The following CEP120 variants were observed in gnomAD, a reference collection of about 807,000 sequenced individuals.
CEP120 encodes the protein centrosomal protein of 120 kDa.
Under a neutral mutation model 126.5 loss-of-function variants are expected in CEP120, and 113 were observed. The observed-to-expected ratio is 0.89, with a 90% CI of 0.77 to 1.04. CEP120 has a LOEUF of 1.04. CEP120 is among the 50% of genes least tolerant of loss of function. The pLI is 0.00. For missense variants in CEP120, 1,230 were observed against 1,155.7 expected (o/e 1.06, Z -0.93); for synonymous variants, 400 against 394.3 (o/e 1.01, Z -0.17).
intron 18 of CEP120, among the ~76,000 whole-genome samples, chr5:123,352,847 TA>T (rs1360483398): frequency 6.6e-6 from 1 of 152,016 alleles, no homozygotes; most frequent in Non-Finnish European, 1.5e-5. Context: ...TAATAGTTTA[TA>T]GTTCTCTATA....
intron 1 of CEP120, chr5:123,422,539 G>C: frequency 6.5e-7 from 1 of 1,535,520 alleles, no homozygotes; most frequent in Non-Finnish European, 8.7e-7. Context: ...CGTGTAAAGG[G>C]AATTGCCTCC....
At chr5:123,411,726 A>G (rs1449638448) in intron 4 of CEP120, among the ~76,000 whole-genome samples, 1 of 152,198 alleles carries the variant, frequency 6.6e-6, no homozygotes, top group African/African-American at 2.4e-5. Context: ...GATGATTTTT[A>G]GGGTGGTGAA....
At chr5:123,401,508 C>G in intron 4 of CEP120, 1 of 1,278,064 alleles carries the variant, frequency 7.8e-7, no homozygotes, top group South Asian at 1.2e-5. Flanking sequence ...TACATGCTCT[C>G]AGCCTCGGCC....
intron 16 of CEP120, among the ~76,000 whole-genome samples, chr5:123,375,330 C>CT (rs112675509): frequency 0.22 from 33,603 of 149,540 alleles, 3,980 homozygotes; most frequent in Middle Eastern, 0.27. Flanking sequence ...AAGTCTTTTT[C>CT]TTTTTTTTTT....
chr5:123,380,092 T>G (rs576715515), intron 14 of CEP120, among the ~76,000 whole-genome samples: 1 of 152,256 alleles, frequency 6.6e-6, no homozygotes, highest in Admixed American at 6.5e-5. Flanking sequence ...TATACATCGT[T>G]TTTTAAGACA....
intron 16 of CEP120, among the ~76,000 whole-genome samples, chr5:123,374,397 T>C (rs901570355): frequency 2.0e-5 from 3 of 152,140 alleles, no homozygotes; most frequent in Non-Finnish European, 2.9e-5. Context: ...AATGACAAGA[T>C]AGCCTTGACT....
chr5:123,402,942 A>G (rs901783163), intron 4 of CEP120, among the ~76,000 whole-genome samples: 10 of 152,186 alleles, frequency 6.6e-5, no homozygotes, highest in Non-Finnish European at 1.0e-4. Context: ...CAGCCTTCCA[A>G]TATGTGAGGA....
Position 123,388,485 on chromosome 5 carries a change from G to A in CEP120, c.1377C>T (p.Asp459=). The A allele has an allele frequency of 1.2e-6, 2 of 1,608,082 alleles. No individual in the cohort carries two copies. Among genetic ancestry groups the A allele is most frequent in the Non-Finnish European group, 1.7e-6 (2 of 1,177,906 alleles). The change falls in exon 9 of 20, where the codon GAC becomes GAT. Residue 459 remains aspartate, a synonymous_variant. Coordinates refer to ENST00000306467, the MANE Select transcript of CEP120 (RefSeq NM_001375405.1). The part of the protein sequence containing the change: ...ATSHHFCFSI[D]LRSIHALEIG... Reference sequence around the variant, plus strand: ...TCTCCAAGGCATGTATACTCCTTAAGTCTATTGAAAAGCAAAAATGATGTG... The same window carrying A: ...TCTCCAAGGCATGTATACTCCTTAAATCTATTGAAAAGCAAAAATGATGTG...
At chr5:123,366,248 T>C (rs1043257771) in intron 17 of CEP120, among the ~76,000 whole-genome samples, 3 of 151,798 alleles carry the variant, frequency 2.0e-5, no homozygotes, top group African/African-American at 4.8e-5. Context: ...AATTTTGATA[T>C]AATTTCAAGG....
chr5:123,377,881 C>T (rs560703095), intron 15 of CEP120, among the ~76,000 whole-genome samples: 2 of 152,142 alleles, frequency 1.3e-5, no homozygotes, highest in South Asian at 2.1e-4. Context: ...CTTGCCTAAT[C>T]GCATAGAATA....
At chr5:123,393,965 T>C (rs1321886845) in intron 5 of CEP120, among the ~76,000 whole-genome samples, 1 of 152,230 alleles carries the variant, frequency 6.6e-6, no homozygotes, top group African/African-American at 2.4e-5. Context: ...AGTTTTTAGC[T>C]ATTCTGTCGA....
chr5:123,423,268 G>A lies in CEP120; in HGVS notation c.-270C>T. 2.1e-6 allele frequency: 1 copy of A among 479,416 alleles called. No individual in the cohort carries two copies. Among genetic ancestry groups the A allele is most frequent in the Non-Finnish European group, 3.7e-6 (1 of 269,482 alleles). 29.7% of individuals were successfully genotyped at this position (479,416 alleles called of 1,614,324 possible). On this transcript the variant is annotated 5_prime_UTR_variant, in exon 1 of 20. Transcript: ENST00000306467. ...CCAGTCTGCAAGCAGAGACAAGCCC[G>A]CCACCCGAGGACCTTTTGCCGCCTG...
At chr5:123,352,948 A>C (rs1355109628) in intron 18 of CEP120, among the ~76,000 whole-genome samples, 1 of 151,988 alleles carries the variant, frequency 6.6e-6, no homozygotes, top group East Asian at 1.9e-4. Flanking sequence ...GACAAATAAC[A>C]TTGATTTTTA....
At chr5:123,358,879 A>G (rs1170596800) in intron 18 of CEP120, among the ~76,000 whole-genome samples, 1 of 151,930 alleles carries the variant, frequency 6.6e-6, no homozygotes, top group African/African-American at 2.4e-5. Context: ...GCCACTACTT[A>G]CTCTCCCACT....
intron 11 of CEP120, among the ~76,000 whole-genome samples, chr5:123,383,839 A>T (rs1031688273): frequency 6.6e-6 from 1 of 152,176 alleles, no homozygotes; most frequent in Non-Finnish European, 1.5e-5. Context: ...AAATGCTAGT[A>T]ATACAAAACC....
chr5:123,379,309 T>C (rs1462189230), intron 14 of CEP120, among the ~76,000 whole-genome samples: 1 of 152,128 alleles, frequency 6.6e-6, no homozygotes, highest in Admixed American at 6.6e-5. Context: ...TCGTTTTTTA[T>C]ACATATTGCT....
In CEP120 at chr5:123,382,820, C is replaced by T. The variant is rs2127049597; in HGVS notation, c.1930G>A (p.Glu644Lys). The part of the protein sequence containing the change: ...PAPCPSEIQT[E>K]PRETLEYKAA... ...TTGTATTCTAACGTTTCACGAGGCT[C>T]TGTCTGGATCTCTGAAGGACAAGGT... Residue 644 changes from glutamate (E) to lysine (K), a missense_variant, in exon 13 of 20, where the codon GAG (glutamate) becomes AAG (lysine). Transcript: ENST00000306467. 6.2e-7 allele frequency: 1 copy of T among 1,613,512 alleles called. No homozygotes were observed. The highest frequency in any genetic ancestry group is 1.1e-5 in the South Asian group (1 of 91,060).
chr5:123,355,861 G>A (rs1282431945), intron 18 of CEP120, among the ~76,000 whole-genome samples: 8 of 149,568 alleles, frequency 5.3e-5, no homozygotes, highest in Non-Finnish European at 1.0e-4. Flanking sequence ...CCATGCCTCT[G>A]TCCTGAATGG....
intron 5 of CEP120, among the ~76,000 whole-genome samples, chr5:123,397,049 C>T (rs1772839118): frequency 6.6e-6 from 1 of 152,172 alleles, no homozygotes; most frequent in African/African-American, 2.4e-5. Context: ...TTCAGCTGGG[C>T]ATGGTGGCTC....
Sources: allele counts gnomAD v4.1 joint callset (sites outside exome capture counted in the v4.1 genomes callset), GRCh38; gene constraint gnomAD v4.1.1; transcripts MANE v1.5; gene names NCBI Gene and HGNC (gene_info 2026-07-23, HGNC 2026-07-21).